Variants in SYN2 observed in about 807,000 individuals in gnomAD.
SYN2 encodes synapsin II, also known as synapsin-2.
SYN2 carries 19 observed loss-of-function variants against 50.9 expected under a neutral mutation model. That is an observed-to-expected ratio of 0.37 (90% CI 0.26 to 0.55). The LOEUF (loss-of-function observed/expected upper bound fraction) is 0.55, where lower values mean the gene tolerates loss of function less well. Among genes scored for constraint, SYN2 ranks in the 20% least tolerant of loss-of-function variants. The pLI is 0.81. For synonymous variants in SYN2, 255 were observed against 224.9 expected (o/e 1.13, Z -1.20); for missense variants, 587 against 576.4 (o/e 1.02, Z -0.19).
chr3:12,070,876 G>A (rs1695337235), intron 1 of SYN2: 1 of 570,422 alleles, frequency 1.8e-6, no homozygotes, highest in South Asian at 1.4e-5. Context: ...TGACATCAAG[G>A]AGAAGCCGTG....
chr3:12,128,442 A>G (rs920733317), intron 1 of SYN2, among the ~76,000 whole-genome samples: 14 of 152,202 alleles, frequency 9.2e-5, no homozygotes, highest in Admixed American at 9.2e-4. Context: ...GCCTGCCTCA[A>G]ACTGTTGTTT....
intron 1 of SYN2, among the ~76,000 whole-genome samples, chr3:12,101,226 A>T (rs1295891753): frequency 6.6e-6 from 1 of 152,210 alleles, no homozygotes; most frequent in Non-Finnish European, 1.5e-5. Flanking sequence ...AAAGTGGAAC[A>T]AACCCAAGTG....
rs57099569 is a variant in SYN2 at position 12,050,711 on chromosome 3, C to CTTTTTTTTTTTTTTTTT, written c.377+45802_377+45818dup. On this transcript the variant is annotated intron_variant, in intron 1 of 12. Coordinates refer to ENST00000621198, the MANE Select transcript of SYN2 (RefSeq NM_133625.6). ...AATAATCTCATCTTTCTTCTCTTCTCTTTTTTTTTTTTTTTTTTTTTTTTT... is the reference window on the plus strand; with the variant it reads ...AATAATCTCATCTTTCTTCTCTTCTCTTTTTTTTTTTTTTTTTTTTTTTTTTTTTTTTTTTTTTTTTT... 4.5e-4 allele frequency among the ~76,000 whole-genome samples: 23 copies of CTTTTTTTTTTTTTTTTT among 50,578 alleles called. 8 individuals carry two copies. Among genetic ancestry groups the CTTTTTTTTTTTTTTTTT allele is most frequent in the Non-Finnish European group, 9.7e-4 (21 of 21,572 alleles). 33.2% of individuals were successfully genotyped at this position (50,578 alleles called of 152,430 possible). A position where few individuals can be genotyped will look rare whatever the true frequency, so the allele number is the denominator to read the frequency against.
At chr3:12,068,413 A>T (rs1432892933) in intron 1 of SYN2, among the ~76,000 whole-genome samples, 1 of 152,142 alleles carries the variant, frequency 6.6e-6, no homozygotes, top group Non-Finnish European at 1.5e-5. Context: ...CCCTGAAAGC[A>T]TTTGGAATTT....
At chr3:12,126,206 A>G (rs913866406) in intron 1 of SYN2, among the ~76,000 whole-genome samples, 3 of 152,226 alleles carry the variant, frequency 2.0e-5, no homozygotes, top group Non-Finnish European at 4.4e-5. Context: ...TCATTCCCCA[A>G]ATTCCAAATG....
At chr3:12,097,798 G>A (rs1695973146) in intron 1 of SYN2, among the ~76,000 whole-genome samples, 1 of 152,058 alleles carries the variant, frequency 6.6e-6, no homozygotes. Context: ...GGTGGGAATT[G>A]AACAATGAGA....
At chr3:12,069,662 C>T (rs76709921) in intron 1 of SYN2, among the ~76,000 whole-genome samples, 4,701 of 152,144 alleles carry the variant, frequency 0.031, 93 homozygotes, top group Middle Eastern at 0.044. Context: ...CCAAGTGTAC[C>T]CATTTTACAT....
At chr3:12,138,024 C>T (rs544300498) in intron 1 of SYN2, among the ~76,000 whole-genome samples, 90 of 152,292 alleles carry the variant, frequency 5.9e-4, no homozygotes, top group Non-Finnish European at 9.7e-4. Flanking sequence ...ATTCCAGAGC[C>T]CATCCTCTGG....
At chr3:12,066,712 A>G (rs1446017107) in intron 1 of SYN2, among the ~76,000 whole-genome samples, 1 of 152,208 alleles carries the variant, frequency 6.6e-6, no homozygotes, top group African/African-American at 2.4e-5. Flanking sequence ...CATTCAGAAC[A>G]TAGAGCAGTT....
intron 1 of SYN2, among the ~76,000 whole-genome samples, chr3:12,057,315 GTGTGTGTGTA>G (rs1014923865): frequency 3.3e-5 from 5 of 151,616 alleles, no homozygotes; most frequent in South Asian, 2.1e-4. Context: ...GTGTGTGTGT[GTGTGTGTGTA>G]TACTTTTTGA....
intron 1 of SYN2, among the ~76,000 whole-genome samples, chr3:12,064,618 A>G (rs1695172858): frequency 6.6e-6 from 1 of 152,106 alleles, no homozygotes; most frequent in Non-Finnish European, 1.5e-5. Flanking sequence ...TCAATAGTGC[A>G]TGAAAAGATG....
At chr3:12,154,190 TG>T in intron 5 of SYN2, 1 of 1,315,606 alleles carries the variant, frequency 7.6e-7, no homozygotes. Flanking sequence ...GCCTATAGAC[TG>T]TATTGCTTTC....
intron 1 of SYN2, among the ~76,000 whole-genome samples, chr3:12,046,150 G>C (rs1431884037): frequency 3.3e-5 from 5 of 152,146 alleles, no homozygotes; most frequent in Non-Finnish European, 5.9e-5. Context: ...TACTAGTGTG[G>C]TTTAGTTGTT....
At chr3:12,067,675 C>T (rs1695245504) in intron 1 of SYN2, among the ~76,000 whole-genome samples, 1 of 151,652 alleles carries the variant, frequency 6.6e-6, no homozygotes, top group Non-Finnish European at 1.5e-5. Context: ...TCTGAACTTT[C>T]CTGGTTCATT....
intron 1 of SYN2, chr3:12,071,271 C>T: frequency 1.8e-6 from 1 of 560,232 alleles, no homozygotes; most frequent in Non-Finnish European, 3.6e-6. Flanking sequence ...GCAGCTCCAT[C>T]CTGGCCTCAC....
intron 12 of SYN2, among the ~76,000 whole-genome samples, chr3:12,188,615 T>A (rs987834662): frequency 0.011 from 16 of 1,456 alleles, no homozygotes; most frequent in East Asian, 0.083. Context: ...AAAGAAAAAT[T>A]TTTTTTTTTC....
At chr3:12,118,124 T>C (rs1696472823) in intron 1 of SYN2, among the ~76,000 whole-genome samples, 3 of 152,234 alleles carry the variant, frequency 2.0e-5, no homozygotes, top group Admixed American at 1.3e-4. Context: ...AGTCTAAGTT[T>C]TATGTTCATG....
chr3:12,134,675 G>C (rs1324906759), intron 1 of SYN2, among the ~76,000 whole-genome samples: 2 of 152,114 alleles, frequency 1.3e-5, no homozygotes, highest in Admixed American at 6.6e-5. Context: ...TTTTGTTTCT[G>C]TCTCTCCACT....
chr3:12,174,549 T>C (rs1382240435), intron 10 of SYN2, among the ~76,000 whole-genome samples: 1 of 152,166 alleles, frequency 6.6e-6, no homozygotes, highest in Admixed American at 6.5e-5. Context: ...GTGGTGCATC[T>C]CAGCTCACTG....
Sources: allele counts gnomAD v4.1 joint callset (sites outside exome capture counted in the v4.1 genomes callset), GRCh38; gene constraint gnomAD v4.1.1; transcripts MANE v1.5; gene names NCBI Gene and HGNC (gene_info 2026-07-23, HGNC 2026-07-21).